The following CSN2 variants were observed in gnomAD, a reference collection of about 807,000 sequenced individuals.
CSN2 encodes the protein beta-casein.
CSN2 carries 27 observed loss-of-function variants against 27.3 expected under a neutral mutation model. That is an observed-to-expected ratio of 0.99 (90% confidence interval 0.73 to 1.36). CSN2 has a LOEUF of 1.36. Among genes scored for constraint, CSN2 ranks in the 40% most tolerant of loss-of-function variants. The pLI is 0.00. For missense variants in CSN2, 333 were observed against 264.5 expected (o/e 1.26, Z -1.80); for synonymous variants, 131 against 94.8 (o/e 1.38, Z -2.22).
chr4:69,963,398 A>C (rs1343445029), intron 1 of CSN2, among the ~76,000 whole-genome samples: 1 of 152,132 alleles, frequency 6.6e-6, no homozygotes, highest in Non-Finnish European at 1.5e-5. Context: ...ATGGAATACT[A>C]TGCAGCCATA....
intron 2 of CSN2, among the ~76,000 whole-genome samples, chr4:69,960,377 T>G (rs575576048): frequency 4.0e-5 from 6 of 151,694 alleles, no homozygotes; most frequent in Non-Finnish European, 8.8e-5. Flanking sequence ...GTCTTTTATA[T>G]TTAGTAATCT....
At chr4:69,964,631 A>G (rs771954804) in intron 1 of CSN2, among the ~76,000 whole-genome samples, 7 of 151,344 alleles carry the variant, frequency 4.6e-5, no homozygotes, top group Non-Finnish European at 7.4e-5. Context: ...AAGTTCCCAA[A>G]TTTTTATGTC....
At chr4:69,961,787 C>T (rs1723599820) in intron 1 of CSN2, among the ~76,000 whole-genome samples, 1 of 152,214 alleles carries the variant, frequency 6.6e-6, no homozygotes, top group Non-Finnish European at 1.5e-5. Context: ...AAGAGGAAGT[C>T]AAATTGTCCC....
chr4:69,963,278 C>T (rs1229563842), intron 1 of CSN2, among the ~76,000 whole-genome samples: 1 of 152,160 alleles, frequency 6.6e-6, no homozygotes, highest in African/African-American at 2.4e-5. Context: ...TATAAAGACA[C>T]ATACACATGT....
In CSN2 at chr4:69,958,947, C is replaced by T; in HGVS notation, c.106G>A (p.Val36Ile). Reference protein sequence around the residue: ...EESITEYKQKVEKVKHEDQQQ... With the variant: ...EESITEYKQKIEKVKHEDQQQ... ...TGGTCCTCATGTTTAACCTTCTCAA[C>T]TTTCTGCTAAAGATATATCATATAT... is the stretch of plus-strand genomic sequence containing the variant. Residue 36 changes from valine to isoleucine, a missense_variant, in exon 5 of 8, where the codon GTT (valine) becomes ATT (isoleucine). By Grantham distance (29) the Val-to-Ile change is conservative. Transcript: ENST00000353151. 6.3e-7 allele frequency: 1 copy of T among 1,598,608 alleles called. No individual in the cohort carries two copies. Among genetic ancestry groups the T allele is most frequent in the Non-Finnish European group, 8.6e-7 (1 of 1,169,516 alleles).
Position 69,957,269 on chromosome 4 carries a change from C to T in CSN2, c.675+5G>A. 1 of 1,521,304 alleles carries T rather than the reference C, an allele frequency of 6.6e-7. No individual in the cohort carries two copies. The highest frequency in any genetic ancestry group is 2.3e-5 in the East Asian group (1 of 43,916). The allele number at this position is 1,521,304 out of a possible 1,614,324, so 94.2% of individuals were successfully genotyped here. A position where few individuals can be genotyped will look rare whatever the true frequency, so the allele number is the denominator to read the frequency against. ...AAACAGCAAAGCCAGTAAATTTGGA[C>T]TTACACTAATGGGGTTATGAACTGG... On this transcript the variant is annotated splice_donor_5th_base_variant and intron_variant, in intron 6 of 7. Coordinates refer to ENST00000353151, the MANE Select transcript of CSN2 (RefSeq NM_001891.4).
intron 3 of CSN2, 65 bp from the exon 4 acceptor site, chr4:69,959,134 A>G (rs1007386711): frequency 3.1e-5 from 34 of 1,094,734 alleles, no homozygotes; most frequent in Non-Finnish European, 4.1e-5. Flanking sequence ...AATATAAATC[A>G]GGAAATAAAG....
chr4:69,962,700 A>C (rs190159489), intron 1 of CSN2, among the ~76,000 whole-genome samples: 23 of 152,362 alleles, frequency 1.5e-4, no homozygotes, highest in Non-Finnish European at 2.9e-4. Context: ...GTAAAAGACC[A>C]AAAGCAATGG....
chr4:69,963,766 TA>T (rs1189930307), intron 1 of CSN2, among the ~76,000 whole-genome samples: 2 of 152,014 alleles, frequency 1.3e-5, no homozygotes, highest in South Asian at 4.1e-4. Flanking sequence ...AAATAAAATT[TA>T]AAAAAAGATT....
chr4:69,962,508 G>A (rs1426636529), intron 1 of CSN2, among the ~76,000 whole-genome samples: 1 of 152,094 alleles, frequency 6.6e-6, no homozygotes, highest in African/African-American at 2.4e-5. Flanking sequence ...TTAATAAATG[G>A]TGCTGGGAAA....
chr4:69,957,157 A>G, intron 6 of CSN2, 117 bp downstream of exon 6: 2 of 1,095,824 alleles, frequency 1.8e-6, no homozygotes, highest in African/African-American at 1.6e-5. Context: ...GTATAATAAT[A>G]AAAGAATCAC....
chr4:69,964,834 TA>T (rs1413278468), intron 1 of CSN2, among the ~76,000 whole-genome samples: 1 of 149,924 alleles, frequency 6.7e-6, no homozygotes, highest in Non-Finnish European at 1.5e-5. Context: ...TAATATATAC[TA>T]ATACTAATTA....
At chr4:69,958,251 A>T (rs1435472726) in intron 5 of CSN2, among the ~76,000 whole-genome samples, 1 of 152,148 alleles carries the variant, frequency 6.6e-6, no homozygotes, top group Non-Finnish European at 1.5e-5. Context: ...TTTTGGTTTG[A>T]TGAAAAAGAA....
At position 69,957,697 on chromosome 4, in the gene CSN2, A is replaced by G. The variant is rs746212715; in HGVS notation, c.252T>C (p.Leu84=). 1 of 1,614,008 alleles carries G rather than the reference A, an allele frequency of 6.2e-7. No homozygotes were observed. The highest frequency in any genetic ancestry group is 8.5e-7 in the Non-Finnish European group (1 of 1,179,984). Residue 84 remains leucine, a synonymous_variant, in exon 6 of 8, where the codon CTT becomes CTC. Transcript: ENST00000353151. ...CAGGCAGCACCACAGCAGGCTGAGC[A>G]AGAGGCAGAATGTTTTGTGGAAGAA... The part of the protein sequence containing the change: ...YGFLPQNILP[L]AQPAVVLPVP...
chr4:69,957,756 T>A lies in CSN2; in HGVS notation c.193A>T (p.Ile65Phe), dbSNP rs1232482556. 1.7e-5 allele frequency: 28 copies of A among 1,613,918 alleles called. No individual in the cohort carries two copies. Among genetic ancestry groups the A allele is most frequent in the Non-Finnish European group, 2.1e-5 (25 of 1,179,936 alleles). Residue 65 changes from isoleucine (I) to phenylalanine (F), a missense_variant, in exon 6 of 8, where the codon ATC becomes TTC. Physicochemically the swap from Ile to Phe is conservative, Grantham distance 21 (BLOSUM62 0). Transcript: ENST00000353151. ...GGGATAGGTTCAACGAATGGATAGA[T>A]CAGAGGCTGTGGCTGGAAAGAGGGG... Reference protein sequence around the residue: ...IYPSFQPQPLIYPFVEPIPYG... With the variant: ...IYPSFQPQPLFYPFVEPIPYG...
intron 1 of CSN2, among the ~76,000 whole-genome samples, chr4:69,965,323 T>G (rs1723762530): frequency 6.9e-6 from 1 of 144,468 alleles, no homozygotes; most frequent in African/African-American, 2.5e-5. Context: ...TAATTCTTTT[T>G]ATAACTGTGA....
chr4:69,961,081 T>C (rs975383303), intron 1 of CSN2, 74 bp from the exon 2 acceptor site: 35 of 997,612 alleles, frequency 3.5e-5, no homozygotes, highest in Non-Finnish European at 5.3e-5. Context: ...GTAAGGTTAC[T>C]TTTTATAAAA....
In CSN2 at chr4:69,957,577, G is replaced by A. The variant is rs1723444663; in HGVS notation, c.372C>T (p.Pro124=). The A allele has an allele frequency of 6.2e-7, 1 of 1,613,946 alleles. No homozygotes were observed. The highest frequency in any genetic ancestry group is 2.2e-5 in the East Asian group (1 of 44,880). The change falls in exon 6 of 8, where the codon CCC becomes CCT. Residue 124 remains proline (P), a synonymous_variant. Coordinates refer to ENST00000353151, the MANE Select transcript of CSN2 (RefSeq NM_001891.4). ...VMPVLKSPTI[P]FFDPQIPKLT... is the part of the protein sequence containing the mutation. Reference sequence around the variant, plus strand: ...GTTTTGGGATTTGAGGGTCAAAAAAGGGTATCGTTGGAGATTTAAGGACAG... The same window carrying A: ...GTTTTGGGATTTGAGGGTCAAAAAAAGGTATCGTTGGAGATTTAAGGACAG...
chr4:69,960,986 G>A lies in CSN2; in HGVS notation c.10C>T (p.Leu4Phe), dbSNP rs369659969. Reference sequence around the variant, plus strand: ...AGAGCCACCAGGCAGGCGAGGATGAGGACCTTCATGGCTACTAAGTCCTGT... The same window carrying A: ...AGAGCCACCAGGCAGGCGAGGATGAAGACCTTCATGGCTACTAAGTCCTGT... MKVLILACLVALAL... is the reference protein window; with the variant it reads MKVFILACLVALAL... Residue 4 changes from leucine (L) to phenylalanine (F), a missense_variant, in exon 2 of 8, where the codon CTC becomes TTC. By Grantham distance (22) the Leu-to-Phe change is conservative (BLOSUM62 0). Coordinates refer to ENST00000353151, the MANE Select transcript of CSN2 (RefSeq NM_001891.4). 8.1e-6 allele frequency: 13 copies of A among 1,612,486 alleles called. No homozygotes were observed. Among genetic ancestry groups the A allele is most frequent in the Admixed American group, 3.3e-5 (2 of 59,822 alleles).
Sources: allele counts gnomAD v4.1 joint callset (sites outside exome capture counted in the v4.1 genomes callset), GRCh38; gene constraint gnomAD v4.1.1; transcripts MANE v1.5; gene names NCBI Gene and HGNC (gene_info 2026-07-23, HGNC 2026-07-21).